STYXL1: variants seen among roughly 807,000 people sequenced by gnomAD.
The protein encoded by STYXL1 is serine/threonine/tyrosine interacting like 1.
A neutral mutation model predicts 36.4 loss-of-function variants in STYXL1; 32 were observed. The ratio of observed to expected loss-of-function variants is 0.88; its 90% CI spans 0.66 to 1.18. The LOEUF (loss-of-function observed/expected upper bound fraction) is 1.18. Ranked by LOEUF, STYXL1 falls within the 50% of genes most tolerant of loss-of-function variation. STYXL1 has a pLI of 0.00. For synonymous variants in STYXL1, 133 were observed against 144.1 expected, an observed-to-expected ratio of 0.92 and a Z score of 0.55; for missense variants, 354 against 394.1, an observed-to-expected ratio of 0.90 and a Z score of 0.86.
chr7:76,011,310 A>G (rs1410253405), intron 5 of STYXL1, among the ~76,000 whole-genome samples: 1 of 152,172 alleles, frequency 6.6e-6, no homozygotes, highest in Non-Finnish European at 1.5e-5. Flanking sequence ...ACCCCAGATT[A>G]TTTGAAAGGA....
intron 8 of STYXL1, among the ~76,000 whole-genome samples, chr7:75,999,509 G>GGGTA (rs1554565602): frequency 9.8e-6 from 1 of 102,098 alleles, no homozygotes; most frequent in African/African-American, 3.1e-5. Context: ...GTGTGTGTGT[G>GGGTA]TATGTGTGTG....
intron 3 of STYXL1, among the ~76,000 whole-genome samples, chr7:76,023,726 A>G (rs1794346420): frequency 6.6e-6 from 1 of 151,838 alleles, no homozygotes; most frequent in African/African-American, 2.4e-5. Context: ...CTTGTCTCAA[A>G]CCAACAAGGC....
intron 5 of STYXL1, among the ~76,000 whole-genome samples, chr7:76,010,437 G>A (rs1460069655): frequency 1.4e-5 from 2 of 147,488 alleles, no homozygotes; most frequent in South Asian, 4.2e-4. Context: ...GTGGGCATGC[G>A]GGGCAGGGGA....
At chr7:76,032,519 T>C (rs1160944809) in intron 1 of STYXL1, among the ~76,000 whole-genome samples, 2 of 151,634 alleles carry the variant, frequency 1.3e-5, no homozygotes, top group African/African-American at 4.8e-5. Context: ...AAGACCAACA[T>C]GGCAAAACTC....
intron 3 of STYXL1, among the ~76,000 whole-genome samples, chr7:76,024,794 C>T (rs1253215888): frequency 1.3e-5 from 2 of 151,446 alleles, no homozygotes; most frequent in Non-Finnish European, 2.9e-5. Context: ...ACTAAAAATG[C>T]AAAAATTAGC....
intron 8 of STYXL1, among the ~76,000 whole-genome samples, chr7:75,997,137 A>G (rs1237496213): frequency 6.6e-6 from 1 of 152,198 alleles, no homozygotes; most frequent in East Asian, 1.9e-4. Flanking sequence ...TAAAACTAGG[A>G]ACAGAAGGAA....
At chr7:76,042,938 T>G (rs1585357358) in intron 1 of STYXL1, among the ~76,000 whole-genome samples, 1 of 152,162 alleles carries the variant, frequency 6.6e-6, no homozygotes, top group Non-Finnish European at 1.5e-5. Context: ...CAGAGGCTGG[T>G]AATAGGCCTT....
chr7:76,042,389 G>GTTTTTTTTTTTT (rs1563528839), intron 1 of STYXL1, among the ~76,000 whole-genome samples: 1 of 22,246 alleles, frequency 4.5e-5, no homozygotes, highest in African/African-American at 7.5e-5. Flanking sequence ...GCCCTTATGT[G>GTTTTTTTTTTTT]CTTTTTTTTT....
In STYXL1 at chr7:76,046,321, TGTGTGTGTGTGTGTGTGTGCGC is replaced by T. The variant is rs71082380; in HGVS notation, c.-5+1319_-5+1340del. Among the ~76,000 whole-genome samples, 291 of 32,872 alleles carry T rather than the reference TGTGTGTGTGTGTGTGTGTGCGC, an allele frequency of 8.9e-3. 6 individuals carry two copies. Among genetic ancestry groups the T allele is most frequent in the African/African-American group, 0.019 (223 of 11,816 alleles). 21.6% of individuals were successfully genotyped at this position (32,872 alleles called of 152,430 possible). On this transcript the variant is annotated intron_variant, in intron 1 of 8. Transcript: ENST00000359697. ...GTGTGTGTGTGTGTGTGTGTGTGTG[TGTGTGTGTGTGTGTGTGTGCGC>T]GCGCGCGCGCGCGCGCTTTTGAGCC...
At position 75,999,511 on chromosome 7, in the gene STYXL1, A is replaced by ATGTGTGTGTGTGTGTGTGTGTG. The variant is rs71301271; in HGVS notation, c.810+1357_810+1378dup. Among the ~76,000 whole-genome samples the ATGTGTGTGTGTGTGTGTGTGTG allele has an allele frequency of 1.7e-3, 163 of 95,916 alleles. 1 individual carries two copies. The highest frequency in any genetic ancestry group is 2.4e-3 in the Non-Finnish European group (123 of 50,326). The allele number at this position is 95,916 out of a possible 152,430, so 62.9% of individuals were successfully genotyped here. On this transcript the variant is annotated intron_variant, in intron 8 of 8. Coordinates refer to ENST00000359697, the MANE Select transcript of STYXL1 (RefSeq NM_001317785.2). ...TTTTGTTGTGTGTGTGTGTGTGTGT[A>ATGTGTGTGTGTGTGTGTGTGTG]TGTGTGTGTGTGTGTGTGTGTGTGT...
At chr7:76,002,951 G>A (rs1285829335) in intron 7 of STYXL1, among the ~76,000 whole-genome samples, 2 of 152,154 alleles carry the variant, frequency 1.3e-5, no homozygotes, top group Non-Finnish European at 1.5e-5. Context: ...ATAAGGGATG[G>A]TTGGGCCAAA....
intron 1 of STYXL1, among the ~76,000 whole-genome samples, chr7:76,042,521 A>G (rs1480292089): frequency 6.9e-6 from 1 of 145,906 alleles, no homozygotes; most frequent in African/African-American, 2.5e-5. Flanking sequence ...TTCCTGCCTC[A>G]GCCTTCCAAG....
chr7:76,023,308 C>G (rs1404128868), intron 3 of STYXL1, among the ~76,000 whole-genome samples: 1 of 152,078 alleles, frequency 6.6e-6, no homozygotes, highest in Non-Finnish European at 1.5e-5. Flanking sequence ...AATTCCAATT[C>G]TGATTGGCTC....
At chr7:76,006,887 T>A (rs1554570579) in intron 5 of STYXL1, among the ~76,000 whole-genome samples, 1 of 152,058 alleles carries the variant, frequency 6.6e-6, no homozygotes. Flanking sequence ...TAGTCCCCCA[T>A]AAGGCACTAT....
chr7:76,017,796 G>A (rs942464473), intron 4 of STYXL1, among the ~76,000 whole-genome samples: 2 of 131,274 alleles, frequency 1.5e-5, no homozygotes, highest in Admixed American at 1.9e-4. Context: ...CTGAGGGGAA[G>A]CAGAGACTGC....
In STYXL1 at chr7:75,996,452, T is replaced by A. The variant is rs1554564021; in HGVS notation, c.*16A>T. 3.1e-6 allele frequency: 5 copies of A among 1,614,150 alleles called. No homozygotes were observed. The highest frequency in any genetic ancestry group is 3.4e-6 in the Non-Finnish European group (4 of 1,180,002). Reference sequence around the variant, plus strand: ...GGTGAGGCTCTTCAGTACCCTTCGGTGGGCCTCGGAGAAGATCAGTAGAGC... The same window carrying A: ...GGTGAGGCTCTTCAGTACCCTTCGGAGGGCCTCGGAGAAGATCAGTAGAGC... On this transcript the variant is annotated 3_prime_UTR_variant, in exon 9 of 9. Coordinates refer to ENST00000359697, the MANE Select transcript of STYXL1 (RefSeq NM_001317785.2).
chr7:76,046,347 C>CGT (rs1797069013), intron 1 of STYXL1, among the ~76,000 whole-genome samples: 2 of 57,268 alleles, frequency 3.5e-5, no homozygotes, highest in African/African-American at 1.4e-4. Flanking sequence ...TGTGCGCGCG[C>CGT]GCGCGCGCGC....
Position 75,996,401 on chromosome 7 carries a change from G to A in STYXL1, c.*67C>T. ...AGACAAGCCTGGGTATACACACTCT[G>A]GCCCTCCACCCACAAAATGCCCCCA... On this transcript the variant is annotated 3_prime_UTR_variant, in exon 9 of 9. Transcript: ENST00000359697. The A allele has an allele frequency of 6.2e-7, 1 of 1,613,216 alleles. No homozygotes were observed. Among genetic ancestry groups the A allele is most frequent in the Non-Finnish European group, 8.5e-7 (1 of 1,179,598 alleles).
chr7:75,997,853 T>G (rs1790326064), intron 8 of STYXL1, among the ~76,000 whole-genome samples: 1 of 152,194 alleles, frequency 6.6e-6, no homozygotes, highest in African/African-American at 2.4e-5. Flanking sequence ...CAATTCCATT[T>G]ACAGTAGCAT....
Sources: gnomAD v4.1 joint callset for allele counts (sites outside exome capture counted in the v4.1 genomes callset) on GRCh38, gnomAD v4.1.1 for gene constraint, MANE v1.5 for transcripts, NCBI Gene and HGNC (gene_info 2026-07-23, HGNC 2026-07-21) for gene names.